The following TNIK variants were observed in gnomAD, a reference collection of about 807,000 sequenced individuals.
TNIK encodes the protein TRAF2 and NCK interacting kinase.
A neutral mutation model predicts 191.3 loss-of-function variants in TNIK; 49 were observed. The ratio of observed to expected loss-of-function variants is 0.26; its 90% CI spans 0.20 to 0.32. The LOEUF is 0.32. Ranked by LOEUF, TNIK falls within the 10% of genes least tolerant of loss-of-function variation. TNIK has a pLI of 1.00. For synonymous variants in TNIK, 594 were observed against 600.9 expected (o/e 0.99, Z 0.17); for missense variants, 1,155 against 1,702.3 (o/e 0.68, Z 5.66).
At chr3:171,373,080 T>A (rs1716742071) in intron 1 of TNIK, among the ~76,000 whole-genome samples, 1 of 152,154 alleles carries the variant, frequency 6.6e-6, no homozygotes, top group Non-Finnish European at 1.5e-5. Context: ...CACAAATGCA[T>A]TTCATCATTA....
intron 28 of TNIK, among the ~76,000 whole-genome samples, chr3:171,076,824 A>ATT (rs947866820): frequency 3.4e-5 from 5 of 147,802 alleles, no homozygotes; most frequent in Admixed American, 6.8e-5. Flanking sequence ...TTATTCCTTG[A>ATT]TTTTTTTTTT....
In TNIK at chr3:171,075,330, A is replaced by G. The variant is rs1719752383; in HGVS notation, c.3449-4007T>C. On this transcript the variant is annotated intron_variant, in intron 28 of 32. Transcript: ENST00000436636. ...CAAAGAAAGCAGCTCACTATTTTCA[A>G]AAGAAAACCAAATATGCATATGAAT... is the stretch of plus-strand genomic sequence containing the variant. 2.6e-5 allele frequency among the ~76,000 whole-genome samples: 4 copies of G among 152,222 alleles called. No individual in the cohort carries two copies. In the South Asian group the frequency reaches 8.3e-4, roughly 31 times the overall value.
intron 2 of TNIK, among the ~76,000 whole-genome samples, chr3:171,293,218 T>G (rs71308505): frequency 0.022 from 3,309 of 152,312 alleles, 48 homozygotes; most frequent in Middle Eastern, 0.037. Flanking sequence ...TATCTATATA[T>G]CAAGAATCAA....
chr3:171,241,139 T>C (rs975294348), intron 2 of TNIK, among the ~76,000 whole-genome samples: 14 of 151,986 alleles, frequency 9.2e-5, no homozygotes, highest in Non-Finnish European at 1.3e-4. Context: ...CAAGAGATTC[T>C]CCTGCCTCAG....
chr3:171,083,971 A>G (rs534179087), intron 26 of TNIK, among the ~76,000 whole-genome samples, 184 bp downstream of exon 26: 1 of 152,188 alleles, frequency 6.6e-6, no homozygotes, highest in Non-Finnish European at 1.5e-5. Flanking sequence ...CGTATCAGCT[A>G]TTTCTACATA....
chr3:171,198,353 C>T (rs1738982921), intron 4 of TNIK, among the ~76,000 whole-genome samples: 1 of 151,894 alleles, frequency 6.6e-6, no homozygotes, highest in Admixed American at 6.6e-5. Flanking sequence ...TCCATAGAGA[C>T]AGAAGCAGAC....
chr3:171,376,761 T>C lies in TNIK; in HGVS notation c.58-7076A>G, dbSNP rs1717301491. Among the ~76,000 whole-genome samples, 10 of 152,036 alleles carry C rather than the reference T, an allele frequency of 6.6e-5. No individual in the cohort carries two copies. The South Asian group carries it at 2.1e-3, about 32-fold the overall frequency. On this transcript the variant is annotated intron_variant, in intron 1 of 32. Transcript: ENST00000436636. The stretch of plus-strand genomic sequence containing the variant: ...GATAGATAGATGATAGATAGATAGA[T>C]AGATAGATAGATAGATAGATAGATA...
intron 1 of TNIK, among the ~76,000 whole-genome samples, chr3:171,424,566 A>G (rs1340558542): frequency 6.6e-6 from 1 of 152,176 alleles, no homozygotes; most frequent in African/African-American, 2.4e-5. Flanking sequence ...CACAATAGCA[A>G]AGGCTTGGAA....
intron 2 of TNIK, among the ~76,000 whole-genome samples, chr3:171,327,900 TAAAAAAAAAAAAAAA>T (rs71634497): frequency 8.8e-5 from 7 of 79,620 alleles, no homozygotes; most frequent in East Asian, 5.6e-4. Flanking sequence ...ACCTGGCTCA[TAAAAAAAAAAAAAAA>T]AAAAAAAAAA....
At chr3:171,350,593 G>T (rs1346880119) in intron 2 of TNIK, among the ~76,000 whole-genome samples, 2 of 31,800 alleles carry the variant, frequency 6.3e-5, no homozygotes, top group East Asian at 2.8e-3. Flanking sequence ...AAGCTCTGTT[G>T]CTAAAAAAAA....
chr3:171,259,268 C>T (rs751798678), intron 2 of TNIK, among the ~76,000 whole-genome samples: 2 of 152,180 alleles, frequency 1.3e-5, no homozygotes, highest in African/African-American at 2.4e-5. Context: ...TTAAACATAA[C>T]CTTTAACCAG....
At chr3:171,128,624 T>G (rs1271979538) in intron 16 of TNIK, 90 bp downstream of exon 16, 2 of 1,431,442 alleles carry the variant, frequency 1.4e-6, no homozygotes, top group Non-Finnish European at 1.9e-6. Flanking sequence ...ATCCTGTGCC[T>G]GAATCCATGT....
chr3:171,226,948 A>T (rs934741134), intron 3 of TNIK, among the ~76,000 whole-genome samples: 2 of 151,848 alleles, frequency 1.3e-5, no homozygotes, highest in South Asian at 4.2e-4. Context: ...TTATTTATTT[A>T]TTTTTTTCTT....
In TNIK at chr3:171,175,308, C is replaced by T; in HGVS notation, c.717G>A (p.Met239Ile). The T allele has an allele frequency of 6.2e-7, 1 of 1,611,256 alleles. No individual in the cohort carries two copies. The highest frequency in any genetic ancestry group is 8.5e-7 in the Non-Finnish European group (1 of 1,178,910). Residue 239 changes from methionine (M) to isoleucine (I), a missense_variant, in exon 9 of 33, where the codon ATG becomes ATA. Physicochemically the swap from Met to Ile is conservative, Grantham distance 10 (BLOSUM62 1). Transcript: ENST00000436636. ...TCCGGGGGATGAGGAAGAGAGCTCTCATGGGGTGCATGTCACAGAGAGCTG... is the reference window on the plus strand; with the variant it reads ...TCCGGGGGATGAGGAAGAGAGCTCTTATGGGGTGCATGTCACAGAGAGCTG... ...GAPPLCDMHP[M>I]RALFLIPRNP... is the part of the protein sequence containing the mutation.
intron 2 of TNIK, among the ~76,000 whole-genome samples, chr3:171,335,530 T>C (rs781460050): frequency 6.6e-5 from 10 of 152,354 alleles, no homozygotes; most frequent in Middle Eastern, 3.4e-3. Context: ...TACACAGCCT[T>C]TTGAGGCTGG....
At chr3:171,177,538 T>C (rs1202534671) in intron 7 of TNIK, among the ~76,000 whole-genome samples, 158 bp from the exon 8 acceptor site, 3 of 152,216 alleles carry the variant, frequency 2.0e-5, no homozygotes, top group Admixed American at 2.0e-4. Flanking sequence ...CAGTCTTACT[T>C]TTCATTGACA....
At chr3:171,253,047 C>A (rs1031989289) in intron 2 of TNIK, among the ~76,000 whole-genome samples, 2 of 151,368 alleles carry the variant, frequency 1.3e-5, no homozygotes, top group East Asian at 3.9e-4. Context: ...GAGGCCGAGG[C>A]GAGTGGATCA....
At chr3:171,453,075 C>T (rs1029463615) in intron 1 of TNIK, among the ~76,000 whole-genome samples, 12 of 152,180 alleles carry the variant, frequency 7.9e-5, no homozygotes, top group Non-Finnish European at 1.5e-4. Context: ...GGTTTCTATA[C>T]TCTCTCTACA....
At position 171,455,162 on chromosome 3, in the gene TNIK, G is replaced by A. The variant is rs532481711; in HGVS notation, c.57+4845C>T. ...ACAAGGTCACATTGGTACACAAAAG[G>A]AAAAAGGCAGCTAAGGTCTGTGGAG... On this transcript the variant is annotated intron_variant, in intron 1 of 32. Coordinates refer to ENST00000436636, the MANE Select transcript of TNIK (RefSeq NM_015028.4). Among the ~76,000 whole-genome samples the A allele has an allele frequency of 2.0e-5, 3 of 152,140 alleles. No individual in the cohort carries two copies. The East Asian group carries it at 5.8e-4, about 29-fold the overall frequency.
Sources: allele counts gnomAD v4.1 joint callset (sites outside exome capture counted in the v4.1 genomes callset), GRCh38; gene constraint gnomAD v4.1.1; transcripts MANE v1.5; gene names NCBI Gene and HGNC (gene_info 2026-07-23, HGNC 2026-07-21).